MTMR7: variants seen among roughly 807,000 people sequenced by gnomAD.
The protein encoded by MTMR7 is myotubularin related protein 7, also known as phosphatidylinositol-3-phosphate phosphatase MTMR7.
A neutral mutation model predicts 81.2 loss-of-function variants in MTMR7; 76 were observed. The observed-to-expected ratio is 0.94, with a 90% CI of 0.78 to 1.13. The LOEUF (loss-of-function observed/expected upper bound fraction) is 1.13, where lower values mean the gene tolerates loss of function less well. Ranked by LOEUF, MTMR7 falls within the 50% of genes most tolerant of loss-of-function variation. The pLI is 0.00. For missense variants in MTMR7, 1,044 were observed against 820.0 expected (o/e 1.27, Z -3.34); for synonymous variants, 372 against 289.8 (o/e 1.28, Z -2.88).
chr8:17,380,475 C>T (rs1236040396), intron 1 of MTMR7, among the ~76,000 whole-genome samples: 2 of 151,926 alleles, frequency 1.3e-5, no homozygotes, highest in East Asian at 3.9e-4. Context: ...CAGCATGGGT[C>T]TCCAACCTTT....
intron 4 of MTMR7, among the ~76,000 whole-genome samples, chr8:17,356,603 A>C (rs1407200434): frequency 6.6e-6 from 1 of 152,050 alleles, no homozygotes; most frequent in Non-Finnish European, 1.5e-5. Context: ...AATCCCAGCT[A>C]CTTGGGAGGC....
chr8:17,349,938 T>C (rs61568073), intron 4 of MTMR7, among the ~76,000 whole-genome samples: 10,724 of 152,132 alleles, frequency 0.07, 756 homozygotes, highest in East Asian at 0.32. Flanking sequence ...TTTGCTAATC[T>C]CTAGAAGTGA....
intron 6 of MTMR7, among the ~76,000 whole-genome samples, chr8:17,333,106 G>GC (rs1207660536): frequency 7.2e-5 from 11 of 152,252 alleles, no homozygotes; most frequent in Non-Finnish European, 1.3e-4. Flanking sequence ...TTCAATAGCA[G>GC]CCCTGCTCCA....
intron 1 of MTMR7, among the ~76,000 whole-genome samples, chr8:17,395,909 T>C (rs1282867090): frequency 6.6e-6 from 1 of 152,192 alleles, no homozygotes; most frequent in African/African-American, 2.4e-5. Flanking sequence ...CCATCCAGTA[T>C]ACTTTTAAAT....
intron 6 of MTMR7, among the ~76,000 whole-genome samples, chr8:17,337,430 A>G (rs373877141): frequency 1.3e-4 from 19 of 151,990 alleles, no homozygotes; most frequent in African/African-American, 4.6e-4. Flanking sequence ...CAAATTAATG[A>G]CAAAGTCATG....
rs748119424 is a variant in MTMR7 at position 17,371,092 on chromosome 8, A to G, written c.255T>C (p.Pro85=). 6.2e-7 allele frequency: 1 copy of G among 1,614,126 alleles called. No homozygotes were observed. The highest frequency in any genetic ancestry group is 1.7e-5 in the Admixed American group (1 of 60,022). ...ACACGTCGTGGCAATCTCTTTCCTGAGGTATGATGAGCTGTATTATCTGAA... is the reference window on the plus strand; with the variant it reads ...ACACGTCGTGGCAATCTCTTTCCTGGGGTATGATGAGCTGTATTATCTGAA... The part of the protein sequence containing the change: ...KNFQIIQLII[P]QERDCHDVYI... The change falls in exon 3 of 14, where the codon CCT becomes CCC. Residue 85 remains proline (P), a synonymous_variant. Coordinates refer to ENST00000180173, the MANE Select transcript of MTMR7 (RefSeq NM_004686.5).
At chr8:17,358,064 C>A (rs560687868) in intron 4 of MTMR7, among the ~76,000 whole-genome samples, 4 of 151,860 alleles carry the variant, frequency 2.6e-5, no homozygotes, top group Admixed American at 2.6e-4. Context: ...AAGGAAAAAG[C>A]ATAATTGACA....
At chr8:17,334,701 C>A (rs548151940) in intron 6 of MTMR7, among the ~76,000 whole-genome samples, 16 of 152,320 alleles carry the variant, frequency 1.1e-4, no homozygotes, top group African/African-American at 3.4e-4. Context: ...CAGCTTAGAA[C>A]TGACAATGGA....
intron 4 of MTMR7, among the ~76,000 whole-genome samples, 179 bp downstream of exon 4, chr8:17,360,938 G>A (rs1454838804): frequency 6.6e-6 from 1 of 152,140 alleles, no homozygotes; most frequent in Admixed American, 6.5e-5. Context: ...AGGTTCAAAC[G>A]TTTTGATTCT....
intron 5 of MTMR7, among the ~76,000 whole-genome samples, chr8:17,348,296 G>C (rs900748169): frequency 6.6e-6 from 1 of 152,040 alleles, no homozygotes; most frequent in East Asian, 1.9e-4. Context: ...CCAGCACTTT[G>C]TGAGGCCGAG....
At chr8:17,349,131 G>A in intron 4 of MTMR7, 50 bp from the exon 5 acceptor site, 2 of 1,587,344 alleles carry the variant, frequency 1.3e-6, no homozygotes, top group East Asian at 4.5e-5. Context: ...GTAATGCCCT[G>A]CGAACTGCCC....
chr8:17,408,866 G>A (rs914269414), intron 1 of MTMR7, among the ~76,000 whole-genome samples: 2 of 152,078 alleles, frequency 1.3e-5, no homozygotes, highest in African/African-American at 4.8e-5. Flanking sequence ...TCTTTTGGGG[G>A]TGACAAAAGT....
At chr8:17,344,489 T>C (rs369009491) in intron 5 of MTMR7, among the ~76,000 whole-genome samples, 62 of 152,186 alleles carry the variant, frequency 4.1e-4, no homozygotes, top group African/African-American at 1.4e-3. Flanking sequence ...TGCACGCCTG[T>C]AATCCCAGCT....
chr8:17,314,896 C>G (rs1817981523), intron 7 of MTMR7, among the ~76,000 whole-genome samples: 1 of 152,074 alleles, frequency 6.6e-6, no homozygotes, highest in Non-Finnish European at 1.5e-5. Flanking sequence ...ACACCTCAGG[C>G]CCAGCATCAC....
In MTMR7 at chr8:17,408,473, G is replaced by T. The variant is rs111703093; in HGVS notation, c.24+4796C>A. ...AGAAGACTTCCTTTCTTTCTTTGAT[G>T]AGCTCTTTGGCGACGTGATGAAGGA... On this transcript the variant is annotated intron_variant, in intron 1 of 13. Transcript: ENST00000180173. Among the ~76,000 whole-genome samples, 1,294 of 150,772 alleles carry T rather than the reference G, an allele frequency of 8.6e-3. 28 individuals carry two copies. Among genetic ancestry groups the T allele is most frequent in the African/African-American group, 0.029 (1,165 of 40,772 alleles).
At chr8:17,357,697 A>G (rs1819938210) in intron 4 of MTMR7, among the ~76,000 whole-genome samples, 1 of 152,238 alleles carries the variant, frequency 6.6e-6, no homozygotes, top group Admixed American at 6.5e-5. Flanking sequence ...AAATGTAGAC[A>G]TGCTATAATA....
chr8:17,364,939 G>A (rs1291267835), intron 3 of MTMR7, among the ~76,000 whole-genome samples: 1 of 152,230 alleles, frequency 6.6e-6, no homozygotes, highest in Non-Finnish European at 1.5e-5. Context: ...TCAAAAGTGG[G>A]ATTGTGGAAT....
At chr8:17,403,970 G>A (rs950085479) in intron 1 of MTMR7, among the ~76,000 whole-genome samples, 1 of 151,942 alleles carries the variant, frequency 6.6e-6, no homozygotes, top group African/African-American at 2.4e-5. Context: ...TCTTTTTTTG[G>A]TGGAGTCTTT....
intron 5 of MTMR7, among the ~76,000 whole-genome samples, chr8:17,345,301 C>T (rs974594611): frequency 2.0e-5 from 3 of 152,210 alleles, no homozygotes; most frequent in Non-Finnish European, 4.4e-5. Context: ...AGTTCCTGCC[C>T]GTCCCCCAGA....
Sources: gnomAD v4.1 joint callset for allele counts (sites outside exome capture counted in the v4.1 genomes callset) on GRCh38, gnomAD v4.1.1 for gene constraint, MANE v1.5 for transcripts, NCBI Gene and HGNC (gene_info 2026-07-23, HGNC 2026-07-21) for gene names.